The following BNIP5 variants were observed in gnomAD, a reference collection of about 807,000 sequenced individuals.
The protein encoded by BNIP5 is protein BNIP5.
Under a neutral mutation model 67.3 loss-of-function variants are expected in BNIP5, and 61 were observed. The ratio of observed to expected loss-of-function variants is 0.91; its 90% CI spans 0.74 to 1.12. BNIP5 has a LOEUF of 1.12. Ranked by LOEUF, BNIP5 falls within the 50% of genes most tolerant of loss-of-function variation. The probability of loss-of-function intolerance (pLI) is 0.00; values close to 1 mark genes in which losing one functional copy is unlikely to be tolerated. For missense variants in BNIP5, 826 were observed against 816.3 expected (o/e 1.01, Z -0.14); for synonymous variants, 317 against 319.0 (o/e 0.99, Z 0.07).
chr6:36,330,153 G>A lies in BNIP5; in HGVS notation c.538C>T (p.Arg180Ter), dbSNP rs755112022. The change falls in exon 2 of 12, where the codon CGA becomes TGA. Residue 180 changes from arginine to a stop codon, truncating the protein, a stop_gained. Coordinates refer to ENST00000437635, the MANE Select transcript of BNIP5 (RefSeq NM_001010903.5). LOFTEE classifies it high-confidence loss of function. The stretch of plus-strand genomic sequence containing the variant: ...GCTGCCTTGGACAACCCTTCCTCTC[G>A]GCCTCTGGCCTCCTGGTCTTGAGCT... ...KAAQDQEARG[R>*]EEGLSKAAAA... 9.9e-6 allele frequency: 16 copies of A among 1,613,616 alleles called. No individual in the cohort carries two copies. Among genetic ancestry groups the A allele is most frequent in the African/African-American group, 2.7e-5 (2 of 75,030 alleles).
At chr6:36,320,487 C>T (rs1272569455) in intron 10 of BNIP5, among the ~76,000 whole-genome samples, 5 of 152,192 alleles carry the variant, frequency 3.3e-5, no homozygotes, top group Non-Finnish European at 7.3e-5. Context: ...TGCAAAATGG[C>T]CCTGGGTCCT....
Position 36,319,475 on chromosome 6 carries a change from G to A in BNIP5, c.1804C>T (p.Gln602Ter). 2 of 1,614,176 alleles carry A rather than the reference G, an allele frequency of 1.2e-6. No homozygotes were observed. Among genetic ancestry groups the A allele is most frequent in the Non-Finnish European group, 1.7e-6 (2 of 1,180,034 alleles). The change falls in exon 11 of 12, where the codon CAG becomes TAG. Residue 602 changes from glutamine to a stop codon, truncating the protein, a stop_gained. Transcript: ENST00000437635. LOFTEE classifies it high-confidence loss of function. ...LDRNRARRLY[Q>*]FDVSLANKFA... is the part of the protein sequence containing the mutation. ...TTGTTAGCTAAGCTAACGTCAAACT[G>A]GTAGAGTCTCCTGGCGCGGTTCCTG...
rs1771516314 is a variant in BNIP5 at position 36,316,422 on chromosome 6, A to T, written c.*934T>A. On this transcript the variant is annotated 3_prime_UTR_variant, in exon 12 of 12. Coordinates refer to ENST00000437635, the MANE Select transcript of BNIP5 (RefSeq NM_001010903.5). Reference sequence around the variant, plus strand: ...TCACCTTTGTGCAAATACAAAAAATAGCCCTTTTCTCAAGACATGTTACTG... The same window carrying T: ...TCACCTTTGTGCAAATACAAAAAATTGCCCTTTTCTCAAGACATGTTACTG... 2.5e-6 allele frequency: 1 copy of T among 398,006 alleles called. No individual in the cohort carries two copies. Among genetic ancestry groups the T allele is most frequent in the South Asian group, 1.4e-4 (1 of 7,328 alleles). 24.7% of individuals were successfully genotyped at this position (398,006 alleles called of 1,614,324 possible).
At position 36,330,469 on chromosome 6, in the gene BNIP5, T is replaced by G. The variant is rs777162795; in HGVS notation, c.222A>C (p.Ala74=). 2 of 1,614,200 alleles carry G rather than the reference T, an allele frequency of 1.2e-6. No individual in the cohort carries two copies. The highest frequency in any genetic ancestry group is 2.7e-5 in the African/African-American group (2 of 75,054). ...PSAEAHCTTA[A]APTPEETGDF... ...CTCCGGTCTCCTCGGGAGTGGGGGC[T>G]GCAGCGGTGGTGCAGTGAGCCTCTG... The change falls in exon 2 of 12, where the codon GCA becomes GCC. Residue 74 remains alanine, a synonymous_variant. Transcript: ENST00000437635.
rs751732226 is a variant in BNIP5, at chr6:36,326,650, G to A, written c.896C>T (p.Thr299Ile). The A allele has an allele frequency of 1.2e-6, 2 of 1,614,246 alleles. No homozygotes were observed. The highest frequency in any genetic ancestry group is 1.7e-6 in the Non-Finnish European group (2 of 1,180,036). ...KKTSLKRTSK[T>I]NPKKHGSEEA... Reference sequence around the variant, plus strand: ...CTCGGAGCCGTGTTTCTTGGGGTTTGTCTTTGAGGTTCTCTTGAGGCTTGT... The same window carrying A: ...CTCGGAGCCGTGTTTCTTGGGGTTTATCTTTGAGGTTCTCTTGAGGCTTGT... The change falls in exon 5 of 12, where the codon ACA becomes ATA. Residue 299 changes from threonine to isoleucine, a missense_variant. Thr to Ile is a moderately conservative substitution (Grantham distance 89). Coordinates refer to ENST00000437635, the MANE Select transcript of BNIP5 (RefSeq NM_001010903.5).
At chr6:36,320,576 C>T (rs1387764548) in intron 10 of BNIP5, among the ~76,000 whole-genome samples, 4 of 152,198 alleles carry the variant, frequency 2.6e-5, no homozygotes, top group African/African-American at 7.2e-5. Context: ...CCAGAGCGTC[C>T]GCTATGCTGA....
intron 2 of BNIP5, among the ~76,000 whole-genome samples, chr6:36,329,495 C>T (rs561748737): frequency 3.9e-5 from 6 of 152,284 alleles, no homozygotes; most frequent in East Asian, 1.9e-4. Flanking sequence ...CGCTCAGCCA[C>T]GGTGCTGTTC....
intron 4 of BNIP5, 62 bp from the exon 5 acceptor site, chr6:36,326,815 G>C (rs1054591873): frequency 1.2e-6 from 2 of 1,602,824 alleles, no homozygotes; most frequent in Non-Finnish European, 1.7e-6. Context: ...AAGCTCTCTG[G>C]AGGCAAGTGA....
chr6:36,326,370 T>C (rs1771760465), intron 5 of BNIP5, 140 bp downstream of exon 5: 2 of 1,063,096 alleles, frequency 1.9e-6, no homozygotes, highest in African/African-American at 3.2e-5. Flanking sequence ...CCCACAGTCA[T>C]CCTCACACCA....
Position 36,325,226 on chromosome 6 carries a change from G to A in BNIP5, c.1168+57C>T. 2.5e-6 allele frequency: 4 copies of A among 1,571,366 alleles called. No individual in the cohort carries two copies. The South Asian group carries it at 4.4e-5, about 17-fold the overall frequency. On this transcript the variant is annotated intron_variant, in intron 6 of 11. Transcript: ENST00000437635. ...TGGCTCAGTGTCTCTTTGCAAGTGG[G>A]GGAGTCAGAACAGAAGTTTTGCAAG...
chr6:36,323,308 T>C lies in BNIP5; in HGVS notation c.1456A>G (p.Thr486Ala). The change falls in exon 8 of 12, where the codon ACC becomes GCC. Residue 486 changes from threonine (T) to alanine (A), a missense_variant. Transcript: ENST00000437635. ...GCCTGCTCACCAAGGCTGCTGGAGG[T>C]GGAGGGCCGATGGCCACCAACACAC... ...PLCVGGHRPS[T>A]SSSLDPEDLE... The C allele has an allele frequency of 6.2e-7, 1 of 1,614,204 alleles. No individual in the cohort carries two copies. Among genetic ancestry groups the C allele is most frequent in the Non-Finnish European group, 8.5e-7 (1 of 1,180,042 alleles).
intron 10 of BNIP5, 37 bp downstream of exon 10, chr6:36,321,118 C>T (rs748875944): frequency 7.4e-7 from 1 of 1,359,866 alleles, no homozygotes; most frequent in Non-Finnish European, 1.0e-6. Context: ...TAGATGAGGC[C>T]CTGGGGTTGG....
rs1287928734 is a variant in BNIP5, at chr6:36,330,067, C to T, written c.610+14G>A. The T allele has an allele frequency of 2.5e-6, 4 of 1,583,412 alleles. No homozygotes were observed. The African/African-American group carries it at 4.0e-5, about 16-fold the overall frequency. ...CCCTAGGGGTTGCCATAGGAACAGGCACGGTCCGCTCACCCCTGCGAGCTG... is the reference window on the plus strand; with the variant it reads ...CCCTAGGGGTTGCCATAGGAACAGGTACGGTCCGCTCACCCCTGCGAGCTG... On this transcript the variant is annotated intron_variant, in intron 2 of 11. Transcript: ENST00000437635.
At chr6:36,323,943 T>C (rs1356701140) in intron 7 of BNIP5, among the ~76,000 whole-genome samples, 186 bp downstream of exon 7, 2 of 145,190 alleles carry the variant, frequency 1.4e-5, no homozygotes, top group Non-Finnish European at 3.0e-5. Context: ...GAGGTTGTAG[T>C]GGGCCATGAT....
intron 3 of BNIP5, among the ~76,000 whole-genome samples, chr6:36,327,619 G>A (rs142106297): frequency 2.1e-3 from 320 of 152,298 alleles, no homozygotes; most frequent in African/African-American, 7.0e-3. Flanking sequence ...GATGTCGGTA[G>A]GCATGACACA....
intron 1 of BNIP5, among the ~76,000 whole-genome samples, chr6:36,331,464 C>G (rs796441811): frequency 6.6e-6 from 1 of 152,252 alleles, no homozygotes; most frequent in East Asian, 1.9e-4. Context: ...CGAATACAGC[C>G]GGAGCCAGAG....
rs1270287708 is a variant in BNIP5 at position 36,322,410 on chromosome 6, G to C, written c.1504C>G (p.Pro502Ala). ...PEDLECREPL[P>A]AEGEPVVISE... ...ATCACAACTGGCTCCCCTTCTGCGGGCAGGGGCTCCCGGCACTCGAGATCT... is the reference window on the plus strand; with the variant it reads ...ATCACAACTGGCTCCCCTTCTGCGGCCAGGGGCTCCCGGCACTCGAGATCT... Residue 502 changes from proline to alanine, a missense_variant, in exon 9 of 12, where the codon CCC becomes GCC. Coordinates refer to ENST00000437635, the MANE Select transcript of BNIP5 (RefSeq NM_001010903.5). 6.2e-7 allele frequency: 1 copy of C among 1,613,870 alleles called. No individual in the cohort carries two copies. The highest frequency in any genetic ancestry group is 8.5e-7 in the Non-Finnish European group (1 of 1,179,988).
intron 1 of BNIP5, among the ~76,000 whole-genome samples, chr6:36,332,653 G>T (rs769812408): frequency 6.6e-5 from 10 of 152,048 alleles, no homozygotes; most frequent in African/African-American, 9.7e-5. Context: ...AGCAGTGGGG[G>T]CTCTTCCATT....
At chr6:36,319,050 C>T (rs928549812) in intron 11 of BNIP5, among the ~76,000 whole-genome samples, 5 of 152,150 alleles carry the variant, frequency 3.3e-5, no homozygotes, top group African/African-American at 9.7e-5. Flanking sequence ...AAGCTAAGAT[C>T]GTAGCCAGTC....
Sources: gnomAD v4.1 joint callset for allele counts (sites outside exome capture counted in the v4.1 genomes callset) on GRCh38, gnomAD v4.1.1 for gene constraint, MANE v1.5 for transcripts, NCBI Gene and HGNC (gene_info 2026-07-23, HGNC 2026-07-21) for gene names.